The following SRPRA variants were observed in gnomAD, a reference collection of about 807,000 sequenced individuals.
SRPRA encodes the protein SRP receptor subunit alpha.
In SRPRA, 30 loss-of-function variants were observed where a neutral mutation model predicts 61.1. The observed-to-expected ratio is 0.49, with a 90% CI of 0.37 to 0.67. SRPRA has a LOEUF of 0.67. Among genes scored for constraint, SRPRA ranks in the 30% least tolerant of loss-of-function variants. SRPRA has a pLI of 0.00. For synonymous variants in SRPRA, 324 were observed against 299.7 expected (o/e 1.08, Z -0.84); for missense variants, 759 against 828.4 (o/e 0.92, Z 1.03).
the SRPRA span, among the ~76,000 whole-genome samples, chr11:126,239,164 G>T: frequency 6.6e-6 from 1 of 151,698 alleles, no homozygotes; most frequent in African/African-American, 2.4e-5. Flanking sequence ...TGGCAGAGAT[G>T]GGGTCTCACT....
At chr11:126,268,626 A>G in intron 1 of SRPRA, 62 bp downstream of exon 1, 1 of 1,413,258 alleles carries the variant, frequency 7.1e-7, no homozygotes, top group Admixed American at 1.7e-5. Context: ...ATAGAGTCGA[A>G]GGGGACCATG....
the SRPRA span, among the ~76,000 whole-genome samples, chr11:126,247,921 G>T: frequency 7.0e-6 from 1 of 142,666 alleles, no homozygotes; most frequent in Non-Finnish European, 1.5e-5. Flanking sequence ...ATATAGATAC[G>T]TATATCTATA....
At chr11:126,266,305 G>A (rs781756404) in intron 6 of SRPRA, 27 bp from the exon 7 acceptor site, 10 of 1,610,742 alleles carry the variant, frequency 6.2e-6, no homozygotes, top group Non-Finnish European at 5.9e-6. Flanking sequence ...AAGGATGTGG[G>A]GTCAGGAACA....
At position 126,265,662 on chromosome 11, in the gene SRPRA, C is replaced by T. The variant is rs569734052; in HGVS notation, c.1138+75G>A. On this transcript the variant is annotated intron_variant, in intron 9 of 13. Transcript: ENST00000332118. The surrounding 1 kb of genome is among the most constrained non-coding windows in gnomAD (Gnocchi z 6.3). ...AGAGGTTAAGGAATTTGCCGAAAGT[C>T]ACATACCTAGTAAGAACTGAGGTCT... 3.9e-6 allele frequency: 6 copies of T among 1,535,364 alleles called. 1 individual carries two copies. The highest frequency in any genetic ancestry group is 1.7e-5 in the Admixed American group (1 of 58,034).
downstream of SRPRA, chr11:126,260,594 G>C (rs1950669535): frequency 6.6e-6 from 1 of 152,050 alleles, no homozygotes; most frequent in African/African-American, 2.4e-5. Flanking sequence ...AATAACATCT[G>C]TATCTCTTCA....
the SRPRA span, chr11:126,250,529 A>G: frequency 2.8e-5 from 45 of 1,613,928 alleles, no homozygotes; most frequent in African/African-American, 5.3e-4. This position sits in a 1 kb window ranked among gnomAD's most constrained non-coding sequence, Gnocchi z 5.1. Context: ...TTCGATCCAC[A>G]TTTTTCAAGG....
the SRPRA span, among the ~76,000 whole-genome samples, chr11:126,244,672 C>T: frequency 6.6e-6 from 1 of 152,102 alleles, no homozygotes; most frequent in South Asian, 2.1e-4. The surrounding 1 kb of genome is among the most constrained non-coding windows in gnomAD (Gnocchi z 4.5). Context: ...AGCATGATGG[C>T]GGGTGCCTAT....
chr11:126,243,044 G>A, the SRPRA span, among the ~76,000 whole-genome samples: 13 of 152,294 alleles, frequency 8.5e-5, 1 homozygote, highest in Admixed American at 3.9e-4. Flanking sequence ...TGAAGTGCTC[G>A]TCCCATACAA....
chr11:126,261,625 CTACCCAT>C (rs1950701660), downstream of SRPRA: 1 of 647,498 alleles, frequency 1.5e-6, no homozygotes. Flanking sequence ...TTTTCCTCTC[CTACCCAT>C]TAAGGATTCT....
chr11:126,266,021 C>A lies in SRPRA; in HGVS notation c.993G>T (p.Lys331Asn). ...ATTCCATGTCTTCACGACTCAAGCT[C>A]TTTGAACCCACAAGGCCCTTCAGCA... ...FGMLKGLVGS[K>N]SLSREDMESV... Residue 331 changes from lysine (K) to asparagine (N), a missense_variant, in exon 8 of 14, where the codon AAG becomes AAT. By Grantham distance (94) the Lys-to-Asn change is moderately conservative. Around this residue, in one of 2 missense-constraint regions of SRPRA, gnomAD observed 475 missense variants for 462.5 expected, o/e 1.03. Transcript: ENST00000332118. The A allele has an allele frequency of 6.2e-7, 1 of 1,614,214 alleles. No individual in the cohort carries two copies. Among genetic ancestry groups the A allele is most frequent in the Non-Finnish European group, 8.5e-7 (1 of 1,180,056 alleles).
Position 126,267,101 on chromosome 11 carries a change from G to A in SRPRA, c.526+74C>T, listed in dbSNP as rs1421256511. On this transcript the variant is annotated intron_variant, in intron 4 of 13. Transcript: ENST00000332118. This position sits in a 1 kb window ranked among gnomAD's most constrained non-coding sequence, Gnocchi z 4.2. ...AGAAGCAGGTAAGCAATGACAAAAGGAAGGACCACCTCAGTCCTTAGCACC... is the reference window on the plus strand; with the variant it reads ...AGAAGCAGGTAAGCAATGACAAAAGAAAGGACCACCTCAGTCCTTAGCACC... 69 of 1,568,286 alleles carry A rather than the reference G, an allele frequency of 4.4e-5. 1 individual carries two copies. Among genetic ancestry groups the A allele is most frequent in the South Asian group, 2.3e-5 (2 of 86,614 alleles).
chr11:126,267,236 T>G lies in SRPRA; in HGVS notation c.465A>C (p.Thr155=). ...AKKPVRSMIE[T]RGEKPKEKAK... ...CTTTTTCCTTGGGCTTTTCCCCCCGTGTCTCAATCATGGACCTCACAGGTT... is the reference window on the plus strand; with the variant it reads ...CTTTTTCCTTGGGCTTTTCCCCCCGGGTCTCAATCATGGACCTCACAGGTT... Residue 155 remains threonine (T), a synonymous_variant, in exon 4 of 14, where the codon ACA becomes ACC. Transcript: ENST00000332118. The surrounding 1 kb of genome is among the most constrained non-coding windows in gnomAD (Gnocchi z 4.2). The G allele has an allele frequency of 6.2e-7, 1 of 1,614,186 alleles. No individual in the cohort carries two copies. The highest frequency in any genetic ancestry group is 8.5e-7 in the Non-Finnish European group (1 of 1,180,036).
At position 126,266,778 on chromosome 11, in the gene SRPRA, C is replaced by A; in HGVS notation, c.671G>T (p.Gly224Val). 6.2e-7 allele frequency: 1 copy of A among 1,614,106 alleles called. No individual in the cohort carries two copies. The highest frequency in any genetic ancestry group is 8.5e-7 in the Non-Finnish European group (1 of 1,180,004). ...GAGTGCTCACTTGGACTTCTCCATACCCCTCCCATGCTTCTGAATGAACTC... is the reference window on the plus strand; with the variant it reads ...GAGTGCTCACTTGGACTTCTCCATAACCCTCCCATGCTTCTGAATGAACTC... The part of the protein sequence containing the change: ...REEFIQKHGR[G>V]MEKSNKSTKS... Residue 224 changes from glycine (G) to valine (V), a missense_variant, in exon 5 of 14, where the codon GGT becomes GTT. Physicochemically the swap from Gly to Val is moderately radical, Grantham distance 109. Coordinates refer to ENST00000332118, the MANE Select transcript of SRPRA (RefSeq NM_003139.4).
chr11:126,263,619 A>G lies in SRPRA; in HGVS notation c.*297T>C, dbSNP rs1367276622. ...AAAGCTCTGGTGTTGGGTTCCAACC[A>G]TTGGTCAAAGCTGTAATAAGACTGA... On this transcript the variant is annotated 3_prime_UTR_variant, in exon 14 of 14. Transcript: ENST00000332118. 3.1e-6 allele frequency: 1 copy of G among 325,394 alleles called. No individual in the cohort carries two copies. The highest frequency in any genetic ancestry group is 5.8e-6 in the Non-Finnish European group (1 of 173,612). The allele number at this position is 325,394 out of a possible 1,614,324, so 20.2% of individuals were successfully genotyped here.
the SRPRA span, among the ~76,000 whole-genome samples, chr11:126,240,117 C>T: frequency 6.6e-6 from 1 of 152,326 alleles, no homozygotes; most frequent in East Asian, 1.9e-4. Flanking sequence ...CCCATGCTGT[C>T]TCACATATGG....
chr11:126,264,423 G>A lies in SRPRA; in HGVS notation c.1642C>T (p.Leu548=), dbSNP rs780002011. 12 of 1,614,224 alleles carry A rather than the reference G, an allele frequency of 7.4e-6. No individual in the cohort carries two copies. Among genetic ancestry groups the A allele is most frequent in the Non-Finnish European group, 1.0e-5 (12 of 1,180,050 alleles). ...CCTACTAAGGCTTCTCCTACAAACA[G>A]CACCAAATCAGGTGTATTGACAGTA... The part of the protein sequence containing the change: ...LITVNTPDLV[L]FVGEALVGNE... Residue 548 remains leucine, a synonymous_variant, in exon 12 of 14, where the codon CTG becomes TTG. Coordinates refer to ENST00000332118, the MANE Select transcript of SRPRA (RefSeq NM_003139.4). The surrounding 1 kb of genome is among the most constrained non-coding windows in gnomAD (Gnocchi z 5.0).
At chr11:126,262,864 G>C (rs1950730568), downstream of SRPRA, 1 of 152,594 alleles carries the variant, frequency 6.6e-6, no homozygotes, top group African/African-American at 2.4e-5. Context: ...ATATGTCCTA[G>C]AACTACAGTT....
In SRPRA at chr11:126,265,063, G is replaced by A. The variant is rs1231931640; in HGVS notation, c.1421C>T (p.Ala474Val). The A allele has an allele frequency of 3.1e-6, 5 of 1,614,028 alleles. No homozygotes were observed. The highest frequency in any genetic ancestry group is 3.3e-5 in the Admixed American group (2 of 60,004). ...ACCATGCTTCTCTGGAGGGTGTAGG[G>A]CACTCAAACGCCGGGTGTGTGTACG... The part of the protein sequence containing the change: ...QLRTHTRRLS[A>V]LHPPEKHGGR... The change falls in exon 11 of 14, where the codon GCC becomes GTC. Residue 474 changes from alanine (A) to valine (V), a missense_variant. Physicochemically the swap from Ala to Val is moderately conservative, Grantham distance 64. Around this residue, in one of 2 missense-constraint regions of SRPRA, gnomAD observed 284 missense variants for 365.9 expected, o/e 0.78. Coordinates refer to ENST00000332118, the MANE Select transcript of SRPRA (RefSeq NM_003139.4). The surrounding 1 kb of genome is among the most constrained non-coding windows in gnomAD (Gnocchi z 6.3).
chr11:126,255,528 C>T, the SRPRA span, among the ~76,000 whole-genome samples: 3 of 152,258 alleles, frequency 2.0e-5, no homozygotes, highest in Non-Finnish European at 4.4e-5. The surrounding 1 kb of genome is among the most constrained non-coding windows in gnomAD (Gnocchi z 4.6). Context: ...AAGTATCAAA[C>T]GCCTTTCCTT....
Sources: allele counts gnomAD v4.1 joint callset (sites outside exome capture counted in the v4.1 genomes callset), GRCh38; gene constraint gnomAD v4.1.1; regional missense constraint gnomAD v4.1.1; non-coding constraint Gnocchi (gnomAD v3.1); transcripts MANE v1.5; gene names NCBI Gene and HGNC (gene_info 2026-07-23, HGNC 2026-07-21).